Variants in CERT1 observed in about 807,000 individuals in gnomAD.
The protein encoded by CERT1 is ceramide transfer protein.
CERT1 carries 31 observed loss-of-function variants against 87.9 expected under a neutral mutation model. The ratio of observed to expected loss-of-function variants is 0.35; its 90% CI spans 0.27 to 0.48. The LOEUF is 0.48. CERT1 is among the 20% of genes least tolerant of loss of function. CERT1 has a pLI of 0.99. For synonymous variants in CERT1, 289 were observed against 250.9 expected, an observed-to-expected ratio of 1.15 and a Z score of -1.44; for missense variants, 487 against 758.0, an observed-to-expected ratio of 0.64 and a Z score of 4.20.
intron 2 of CERT1, among the ~76,000 whole-genome samples, chr5:75,472,077 G>A (rs563693514): frequency 1.3e-5 from 2 of 152,260 alleles, no homozygotes; most frequent in East Asian, 1.9e-4. Flanking sequence ...CATAAAAATA[G>A]ACACACAGAC....
chr5:75,420,512 T>C (rs1763332663), intron 5 of CERT1, among the ~76,000 whole-genome samples: 1 of 151,872 alleles, frequency 6.6e-6, no homozygotes, highest in African/African-American at 2.4e-5. Context: ...CCTGGCTAAT[T>C]TTTTGTATTT....
intron 2 of CERT1, among the ~76,000 whole-genome samples, chr5:75,493,910 CTAATT>C (rs1311479750): frequency 6.6e-6 from 1 of 152,092 alleles, no homozygotes; most frequent in Non-Finnish European, 1.5e-5. Context: ...TCTAACTCTT[CTAATT>C]TCTTTCCTCA....
chr5:75,389,483 T>C, intron 12 of CERT1, 109 bp downstream of exon 12: 13 of 767,892 alleles, frequency 1.7e-5, no homozygotes. Flanking sequence ...TGTAATAATT[T>C]GTTTTAAAGG....
chr5:75,420,124 G>T lies in CERT1; in HGVS notation c.596-700C>A, dbSNP rs540061140. ...CCCAAGTAGCTGGGACTACAGGTGC[G>T]TGCCACCACAGCCAGCTAATATTTT... On this transcript the variant is annotated intron_variant, in intron 5 of 16. Transcript: ENST00000643780. 5.9e-4 allele frequency among the ~76,000 whole-genome samples: 88 copies of T among 148,964 alleles called. 1 individual carries two copies. The highest frequency in any genetic ancestry group is 3.4e-3 in the East Asian group (17 of 4,932).
At chr5:75,434,620 C>T (rs755388483) in intron 3 of CERT1, among the ~76,000 whole-genome samples, 1 of 150,972 alleles carries the variant, frequency 6.6e-6, no homozygotes, top group East Asian at 1.9e-4. Context: ...ATGTGGTCCA[C>T]GGCTTTTTCT....
At chr5:75,380,777 CAAAAAAAA>C (rs35083616) in intron 16 of CERT1, among the ~76,000 whole-genome samples, 1 of 53,380 alleles carries the variant, frequency 1.9e-5, no homozygotes, top group Admixed American at 2.2e-4. Context: ...GACTCCATCT[CAAAAAAAA>C]AAAAAAAAAA....
At chr5:75,494,363 C>G (rs1201853959) in intron 2 of CERT1, among the ~76,000 whole-genome samples, 1 of 152,108 alleles carries the variant, frequency 6.6e-6, no homozygotes, top group Non-Finnish European at 1.5e-5. Context: ...GTTTGTTGGC[C>G]AGAGTTTGGA....
intron 2 of CERT1, among the ~76,000 whole-genome samples, chr5:75,491,428 A>G (rs1580848028): frequency 6.6e-6 from 1 of 152,148 alleles, no homozygotes; most frequent in East Asian, 1.9e-4. Flanking sequence ...ATGGCTGTCT[A>G]GCCCTTTAAA....
At chr5:75,496,578 T>A (rs2112444973) in intron 2 of CERT1, among the ~76,000 whole-genome samples, 2 of 152,290 alleles carry the variant, frequency 1.3e-5, no homozygotes, top group South Asian at 4.1e-4. Context: ...TATATATCCG[T>A]CAACTGGTGA....
At chr5:75,409,086 T>C (rs1001463774) in intron 8 of CERT1, among the ~76,000 whole-genome samples, 27 of 152,118 alleles carry the variant, frequency 1.8e-4, no homozygotes, top group Non-Finnish European at 2.9e-5. Flanking sequence ...AATCTTCCTA[T>C]AATGAATATA....
chr5:75,444,144 C>T (rs1292334477), intron 3 of CERT1, among the ~76,000 whole-genome samples: 1 of 152,128 alleles, frequency 6.6e-6, no homozygotes, highest in Non-Finnish European at 1.5e-5. Flanking sequence ...CAACCCCTGC[C>T]GCCCAGGTTC....
At chr5:75,463,652 G>A (rs747152448) in intron 2 of CERT1, among the ~76,000 whole-genome samples, 4 of 152,168 alleles carry the variant, frequency 2.6e-5, no homozygotes, top group Non-Finnish European at 4.4e-5. Flanking sequence ...AAACACCAGG[G>A]GTTTGGTCTA....
chr5:75,411,281 T>C (rs1762924921), intron 7 of CERT1, among the ~76,000 whole-genome samples, 178 bp from the exon 8 acceptor site: 1 of 152,020 alleles, frequency 6.6e-6, no homozygotes, highest in Non-Finnish European at 1.5e-5. Context: ...CTCTAGGCTA[T>C]AAATTACTTA....
intron 3 of CERT1, among the ~76,000 whole-genome samples, chr5:75,438,669 T>C (rs1263116701): frequency 6.6e-6 from 1 of 152,120 alleles, no homozygotes; most frequent in Non-Finnish European, 1.5e-5. Flanking sequence ...AATTCAAATA[T>C]AGTTACTATA....
At chr5:75,495,836 G>A (rs1341461127) in intron 2 of CERT1, among the ~76,000 whole-genome samples, 1 of 151,780 alleles carries the variant, frequency 6.6e-6, no homozygotes, top group African/African-American at 2.4e-5. Context: ...CGAGTTAATG[G>A]GTGCAGCACA....
At chr5:75,372,542 T>C (rs1308997739) in intron 17 of CERT1, 1 of 152,218 alleles carries the variant, frequency 6.6e-6, no homozygotes, top group Non-Finnish European at 1.5e-5. Flanking sequence ...CTATAAGGCA[T>C]ATTCCATGCA....
intron 5 of CERT1, 45 bp downstream of exon 5, chr5:75,425,316 T>C (rs1763568215): frequency 6.4e-7 from 1 of 1,566,424 alleles, no homozygotes; most frequent in African/African-American, 1.4e-5. Flanking sequence ...AGGCTTTTAA[T>C]CCATTCATTC....
At position 75,490,499 on chromosome 5, in the gene CERT1, A is replaced by T. The variant is rs542316444; in HGVS notation, c.231+15483T>A. ...TCTTCAACACCTGTACGAAATTTTT[A>T]TTTATTTATTTTTTTTTGAGACAGA... On this transcript the variant is annotated intron_variant, in intron 2 of 16. Coordinates refer to ENST00000643780, the MANE Select transcript of CERT1 (RefSeq NM_001379029.1). Among the ~76,000 whole-genome samples, 286 of 147,484 alleles carry T rather than the reference A, an allele frequency of 1.9e-3. 1 individual carries two copies. In the East Asian group the frequency reaches 0.028, roughly 14 times the overall value.
At chr5:75,460,134 A>G (rs757242805) in intron 2 of CERT1, among the ~76,000 whole-genome samples, 6 of 152,104 alleles carry the variant, frequency 3.9e-5, no homozygotes, top group Non-Finnish European at 8.8e-5. Flanking sequence ...AGGCCAAAAT[A>G]AGTTTTAGAG....
Sources: allele counts gnomAD v4.1 joint callset (sites outside exome capture counted in the v4.1 genomes callset), GRCh38; gene constraint gnomAD v4.1.1; transcripts MANE v1.5; gene names NCBI Gene and HGNC (gene_info 2026-07-23, HGNC 2026-07-21).